SEPTIN9: variants seen among roughly 807,000 people sequenced by gnomAD.
SEPTIN9 encodes the protein septin 9.
A neutral mutation model predicts 56.6 loss-of-function variants in SEPTIN9; 13 were observed. That is an observed-to-expected ratio of 0.23 (90% CI 0.15 to 0.37). The LOEUF (loss-of-function observed/expected upper bound fraction) is 0.37. Among genes scored for constraint, SEPTIN9 ranks in the 10% least tolerant of loss-of-function variants. The pLI is 1.00. For synonymous variants in SEPTIN9, 332 were observed against 334.1 expected (o/e 0.99, Z 0.07); for missense variants, 650 against 823.1 (o/e 0.79, Z 2.57).
chr17:77,303,175 A>G (rs1485200420), intron 1 of SEPTIN9, among the ~76,000 whole-genome samples: 1 of 150,900 alleles, frequency 6.6e-6, no homozygotes, highest in African/African-American at 2.4e-5. Context: ...ATCTCGGCTC[A>G]CTGCAACCTC....
In SEPTIN9 at chr17:77,420,581, A is replaced by G. The variant is rs574949785; in HGVS notation, c.721+17878A>G. 3.3e-5 allele frequency among the ~76,000 whole-genome samples: 5 copies of G among 152,150 alleles called. No individual in the cohort carries two copies. In the South Asian group the frequency reaches 6.2e-4, roughly 19 times the overall value. On this transcript the variant is annotated intron_variant, in intron 3 of 11. Coordinates refer to ENST00000427177, the MANE Select transcript of SEPTIN9 (RefSeq NM_001113491.2). Reference sequence around the variant, plus strand: ...AGTCTTTCTCAGTGGGGAGAGCCTGAGCTGTCCTCCTGGTGGACAGTCCTT... The same window carrying G: ...AGTCTTTCTCAGTGGGGAGAGCCTGGGCTGTCCTCCTGGTGGACAGTCCTT...
chr17:77,432,159 C>A (rs1377392034), intron 3 of SEPTIN9, among the ~76,000 whole-genome samples: 3 of 152,192 alleles, frequency 2.0e-5, no homozygotes, highest in Non-Finnish European at 4.4e-5. Flanking sequence ...TGGACTCTGA[C>A]CTTTCCTGGC....
rs1333495456 is a variant in SEPTIN9 at position 77,421,338 on chromosome 17, C to T, written c.721+18635C>T. Among the ~76,000 whole-genome samples the T allele has an allele frequency of 6.6e-6, 1 of 152,202 alleles. No individual in the cohort carries two copies. The highest frequency in any genetic ancestry group is 1.5e-5 in the Non-Finnish European group (1 of 68,040). On this transcript the variant is annotated intron_variant, in intron 3 of 11. Transcript: ENST00000427177. This position sits in a 1 kb window ranked among gnomAD's most constrained non-coding sequence, Gnocchi z 4.6. Reference sequence around the variant, plus strand: ...CAGATTGGAACCGCATTTCTCTCCCCCCAGTCACAGCTGCCAGGAGCTCAT... The same window carrying T: ...CAGATTGGAACCGCATTTCTCTCCCTCCAGTCACAGCTGCCAGGAGCTCAT...
In SEPTIN9 at chr17:77,492,838, C is replaced by T; in HGVS notation, c.1476+122C>T. On this transcript the variant is annotated intron_variant, in intron 9 of 11. Transcript: ENST00000427177. This position sits in a 1 kb window ranked among gnomAD's most constrained non-coding sequence, Gnocchi z 5.4. ...TTCTTGGGGCCAGAGGGCACTGAGC[C>T]CAGGTGTCTGTACCCAGTGCTGTCA... 7.4e-6 allele frequency: 9 copies of T among 1,215,136 alleles called. No homozygotes were observed. Among genetic ancestry groups the T allele is most frequent in the African/African-American group, 1.5e-5 (1 of 67,196 alleles). The allele number at this position is 1,215,136 out of a possible 1,614,324, so 75.3% of individuals were successfully genotyped here.
In SEPTIN9 at chr17:77,449,562, C is replaced by T. The variant is rs1272846166; in HGVS notation, c.722-32582C>T. Among the ~76,000 whole-genome samples the T allele has an allele frequency of 1.3e-5, 2 of 152,184 alleles. No homozygotes were observed. The highest frequency in any genetic ancestry group is 1.9e-4 in the East Asian group (1 of 5,186). ...GGAGGGCCAAGGAAGAAGGGTTCTG[C>T]CCACGGGGAGGGAGAGGCCCACGGG... On this transcript the variant is annotated intron_variant, in intron 3 of 11. Coordinates refer to ENST00000427177, the MANE Select transcript of SEPTIN9 (RefSeq NM_001113491.2). This position sits in a 1 kb window ranked among gnomAD's most constrained non-coding sequence, Gnocchi z 4.6.
chr17:77,332,846 C>G (rs1040551051), intron 2 of SEPTIN9, among the ~76,000 whole-genome samples: 1 of 152,174 alleles, frequency 6.6e-6, no homozygotes, highest in African/African-American at 2.4e-5. Flanking sequence ...TGTGAACATT[C>G]TGTGGGTTTT....
At position 77,425,111 on chromosome 17, in the gene SEPTIN9, C is replaced by T. The variant is rs1477528842; in HGVS notation, c.721+22408C>T. 6.6e-6 allele frequency among the ~76,000 whole-genome samples: 1 copy of T among 152,218 alleles called. No individual in the cohort carries two copies. The highest frequency in any genetic ancestry group is 1.5e-5 in the Non-Finnish European group (1 of 68,024). ...AGCTCTGCTCCAGTCCCCCCACCCCCGGGGCTGTTCCTGGCGCCCTGCCCT... is the reference window on the plus strand; with the variant it reads ...AGCTCTGCTCCAGTCCCCCCACCCCTGGGGCTGTTCCTGGCGCCCTGCCCT... On this transcript the variant is annotated intron_variant, in intron 3 of 11. Coordinates refer to ENST00000427177, the MANE Select transcript of SEPTIN9 (RefSeq NM_001113491.2). This position sits in a 1 kb window ranked among gnomAD's most constrained non-coding sequence, Gnocchi z 4.2.
intron 2 of SEPTIN9, chr17:77,373,940 C>T (rs2034819283): frequency 5.3e-6 from 1 of 188,792 alleles, no homozygotes; most frequent in Non-Finnish European, 1.1e-5. Flanking sequence ...TCCATCGGTC[C>T]CCTCCCTTTG....
chr17:77,311,697 G>A (rs748400898), intron 2 of SEPTIN9, among the ~76,000 whole-genome samples: 2 of 152,156 alleles, frequency 1.3e-5, no homozygotes, highest in African/African-American at 4.8e-5. Flanking sequence ...GTGCCTCCTC[G>A]CTATTTCCCC....
Position 77,499,137 on chromosome 17 carries a change from C to A in SEPTIN9, c.*479C>A, listed in dbSNP as rs28364841. ...GGGAGAATGCAGCCCACCAGGAGCA[C>A]CTGGACCCCCTGCCCGCCACATGGT... On this transcript the variant is annotated 3_prime_UTR_variant, in exon 12 of 12. Coordinates refer to ENST00000427177, the MANE Select transcript of SEPTIN9 (RefSeq NM_001113491.2). 9.1e-3 allele frequency: 4,892 copies of A among 536,218 alleles called. 200 individuals carry two copies. The highest frequency in any genetic ancestry group is 0.071 in the Admixed American group (3,207 of 45,042). The allele number at this position is 536,218 out of a possible 1,614,324, so 33.2% of individuals were successfully genotyped here. A position where few individuals can be genotyped will look rare whatever the true frequency, so the allele number is the denominator to read the frequency against.
intron 3 of SEPTIN9, among the ~76,000 whole-genome samples, chr17:77,415,834 C>G (rs2036486360): frequency 6.6e-6 from 1 of 152,164 alleles, no homozygotes; most frequent in South Asian, 2.1e-4. Context: ...TGCAGTGGCT[C>G]AGTGGCTCCT....
At chr17:77,384,580 C>T (rs2035265115) in intron 2 of SEPTIN9, among the ~76,000 whole-genome samples, 1 of 151,980 alleles carries the variant, frequency 6.6e-6, no homozygotes, top group South Asian at 2.1e-4. Context: ...ACCTGCAGCG[C>T]CCCAGAAACA....
chr17:77,420,858 A>G (rs566101725), intron 3 of SEPTIN9, among the ~76,000 whole-genome samples: 9 of 152,318 alleles, frequency 5.9e-5, no homozygotes, highest in African/African-American at 2.2e-4. Flanking sequence ...TCCTAACCAC[A>G]TCACTCTCAA....
chr17:77,428,117 G>A (rs1400550144), intron 3 of SEPTIN9, among the ~76,000 whole-genome samples: 1 of 152,224 alleles, frequency 6.6e-6, no homozygotes, highest in Non-Finnish European at 1.5e-5. Context: ...CTGAGTCGCT[G>A]GCCCATAGTC....
Position 77,482,252 on chromosome 17 carries a change from G to C in SEPTIN9, c.830G>C (p.Gly277Ala). The C allele has an allele frequency of 6.2e-7, 1 of 1,613,180 alleles. No individual in the cohort carries two copies. The highest frequency in any genetic ancestry group is 1.1e-5 in the South Asian group (1 of 91,076). ...SRNEKAPVDF[G>A]YVGIDSILEQ... ...AACGAGAAGGCCCCGGTGGACTTCGGCTACGTGGGGATTGACTCCATCCTG... is the reference window on the plus strand; with the variant it reads ...AACGAGAAGGCCCCGGTGGACTTCGCCTACGTGGGGATTGACTCCATCCTG... Residue 277 changes from glycine to alanine, a missense_variant, in exon 4 of 12, where the codon GGC becomes GCC. By Grantham distance (60) the Gly-to-Ala change is moderately conservative (BLOSUM62 0). This residue lies in a region of SEPTIN9 where 333 missense variants were observed against 494.0 expected (regional missense o/e 0.67). Coordinates refer to ENST00000427177, the MANE Select transcript of SEPTIN9 (RefSeq NM_001113491.2).
chr17:77,376,464 T>C, intron 2 of SEPTIN9: 2 of 925,836 alleles, frequency 2.2e-6, no homozygotes, highest in Non-Finnish European at 1.3e-6. Context: ...GCCCCAGGGT[T>C]CCTGAGGCCA....
chr17:77,340,605 A>C (rs1367883201), intron 2 of SEPTIN9, among the ~76,000 whole-genome samples: 1 of 152,228 alleles, frequency 6.6e-6, no homozygotes, highest in Non-Finnish European at 1.5e-5. Flanking sequence ...ACTTACGGTC[A>C]ACAGCTGCGT....
chr17:77,388,719 G>A (rs1037886650), intron 2 of SEPTIN9, among the ~76,000 whole-genome samples: 9 of 151,658 alleles, frequency 5.9e-5, no homozygotes, highest in African/African-American at 2.2e-4. Context: ...TCGGGCAGAG[G>A]CCATCGGCTG....
chr17:77,432,932 A>G (rs1286707244), intron 3 of SEPTIN9, among the ~76,000 whole-genome samples: 1 of 152,144 alleles, frequency 6.6e-6, no homozygotes, highest in Non-Finnish European at 1.5e-5. Flanking sequence ...GCCCCTTGGC[A>G]GGGGACAGTT....
Sources: gnomAD v4.1 joint callset for allele counts (sites outside exome capture counted in the v4.1 genomes callset) on GRCh38, gnomAD v4.1.1 for gene constraint, gnomAD v4.1.1 regional missense constraint, Gnocchi (gnomAD v3.1) non-coding constraint, MANE v1.5 for transcripts, NCBI Gene and HGNC (gene_info 2026-07-23, HGNC 2026-07-21) for gene names.